Variants in MAMDC2 observed in about 807,000 individuals in gnomAD.
MAMDC2 encodes the protein MAM domain-containing protein 2.
In MAMDC2, 57 loss-of-function variants were observed where a neutral mutation model predicts 89.8. The ratio of observed to expected loss-of-function variants is 0.63; its 90% confidence interval spans 0.51 to 0.79. The LOEUF (loss-of-function observed/expected upper bound fraction) is 0.79. MAMDC2 is among the 30% of genes least tolerant of loss of function. The probability of loss-of-function intolerance (pLI) is 0.00; values close to 1 mark genes in which losing one functional copy is unlikely to be tolerated. For synonymous variants in MAMDC2, 313 were observed against 293.4 expected (o/e 1.07, Z -0.68); for missense variants, 800 against 820.6 (o/e 0.97, Z 0.31).
At chr9:70,054,607 G>A (rs1410412431) in intron 2 of MAMDC2, among the ~76,000 whole-genome samples, 1 of 151,728 alleles carries the variant, frequency 6.6e-6, no homozygotes, top group African/African-American at 2.4e-5. Context: ...TTTTGTTTTA[G>A]GAAGGGGGGA....
chr9:70,141,785 G>A (rs563061433), intron 8 of MAMDC2, among the ~76,000 whole-genome samples: 2 of 152,238 alleles, frequency 1.3e-5, no homozygotes, highest in South Asian at 4.2e-4. Context: ...TCCAGGGGCA[G>A]TAAATTGTGG....
At chr9:70,205,505 G>A (rs571740522) in intron 11 of MAMDC2, among the ~76,000 whole-genome samples, 9 of 152,184 alleles carry the variant, frequency 5.9e-5, no homozygotes, top group Non-Finnish European at 1.2e-4. Context: ...CTCCATGCAG[G>A]CCACTCAGGC....
intron 6 of MAMDC2, 88 bp downstream of exon 6, chr9:70,126,503 G>A: frequency 7.3e-7 from 1 of 1,363,576 alleles, no homozygotes; most frequent in East Asian, 2.4e-5. Context: ...AGGCTGTGCA[G>A]CCTCACACTC....
At chr9:70,140,047 C>A in intron 7 of MAMDC2, 98 bp from the exon 8 acceptor site, 1 of 1,284,898 alleles carries the variant, frequency 7.8e-7, no homozygotes, top group South Asian at 1.8e-5. Context: ...TTCGGTCTCC[C>A]CTGGTACAAA....
At chr9:70,051,522 T>C (rs1461522323) in intron 2 of MAMDC2, among the ~76,000 whole-genome samples, 1 of 152,220 alleles carries the variant, frequency 6.6e-6, no homozygotes, top group African/African-American at 2.4e-5. Context: ...GTAATATTCA[T>C]TTAAATATTT....
intron 11 of MAMDC2, among the ~76,000 whole-genome samples, chr9:70,188,160 A>G (rs1257999197): frequency 2.0e-5 from 3 of 152,148 alleles, no homozygotes; most frequent in East Asian, 1.9e-4. Flanking sequence ...CATGAATGGT[A>G]TATCATTTTC....
intron 2 of MAMDC2, chr9:70,079,456 A>T (rs112470208): frequency 1.6e-4 from 24 of 152,168 alleles, no homozygotes; most frequent in African/African-American, 5.6e-4. Context: ...GAGCACCATG[A>T]GTATAAACAG....
intron 5 of MAMDC2, among the ~76,000 whole-genome samples, chr9:70,125,326 T>C (rs1330550434): frequency 6.6e-6 from 1 of 152,202 alleles, no homozygotes; most frequent in Non-Finnish European, 1.5e-5. Flanking sequence ...GAGGAAAGTA[T>C]TTGATTGTCA....
intron 9 of MAMDC2, among the ~76,000 whole-genome samples, chr9:70,159,773 A>AT (rs2031900282): frequency 6.6e-6 from 1 of 152,222 alleles, no homozygotes; most frequent in African/African-American, 2.4e-5. Flanking sequence ...TGGTCTTTAC[A>AT]TTTTATTACA....
intron 11 of MAMDC2, among the ~76,000 whole-genome samples, chr9:70,198,873 A>G (rs2033034049): frequency 6.6e-6 from 1 of 152,190 alleles, no homozygotes; most frequent in African/African-American, 2.4e-5. Flanking sequence ...ATGAGACAAA[A>G]GAATATCACA....
chr9:70,135,245 C>A (rs983996914), intron 7 of MAMDC2, among the ~76,000 whole-genome samples: 5 of 152,156 alleles, frequency 3.3e-5, no homozygotes, highest in African/African-American at 1.2e-4. Context: ...AGGCTTCCAA[C>A]TGCCTCTGAT....
At chr9:70,115,505 A>C (rs1389207052) in intron 5 of MAMDC2, among the ~76,000 whole-genome samples, 1 of 152,022 alleles carries the variant, frequency 6.6e-6, no homozygotes, top group Non-Finnish European at 1.5e-5. Flanking sequence ...ACAGACACCC[A>C]CCACTTTGTC....
At chr9:70,159,402 A>G (rs777206634) in intron 9 of MAMDC2, among the ~76,000 whole-genome samples, 1 of 152,134 alleles carries the variant, frequency 6.6e-6, no homozygotes, top group Non-Finnish European at 1.5e-5. Flanking sequence ...AAGGGGTAAG[A>G]GTTATGTAAG....
chr9:70,093,422 G>GT (rs34543592), intron 2 of MAMDC2, among the ~76,000 whole-genome samples: 13,184 of 137,542 alleles, frequency 0.096, 986 homozygotes, highest in African/African-American at 0.21. Flanking sequence ...TACAGGGACA[G>GT]TTTTTTTTTT....
At chr9:70,208,350 C>A (rs1365432873) in intron 11 of MAMDC2, among the ~76,000 whole-genome samples, 1 of 152,130 alleles carries the variant, frequency 6.6e-6, no homozygotes, top group Non-Finnish European at 1.5e-5. Flanking sequence ...TCCTTCACAT[C>A]CCTTGTAAGT....
At chr9:70,122,352 A>T (rs751043810) in intron 5 of MAMDC2, among the ~76,000 whole-genome samples, 9 of 152,252 alleles carry the variant, frequency 5.9e-5, no homozygotes, top group Non-Finnish European at 1.0e-4. Flanking sequence ...CTAGTGAGGC[A>T]CTTTGGCTGC....
chr9:70,219,792 C>T (rs1372269088), intron 12 of MAMDC2, among the ~76,000 whole-genome samples: 1 of 152,134 alleles, frequency 6.6e-6, no homozygotes, highest in Admixed American at 6.5e-5. Flanking sequence ...GTGGATGGCT[C>T]AGGAACTTAC....
chr9:70,181,510 G>A (rs2032645532), intron 11 of MAMDC2, among the ~76,000 whole-genome samples: 1 of 151,958 alleles, frequency 6.6e-6, no homozygotes, highest in Non-Finnish European at 1.5e-5. Flanking sequence ...CCATTTGTTT[G>A]TGTCCTCTCT....
intron 4 of MAMDC2, among the ~76,000 whole-genome samples, chr9:70,112,033 T>G (rs1296870415): frequency 6.6e-6 from 1 of 152,158 alleles, no homozygotes; most frequent in Non-Finnish European, 1.5e-5. Flanking sequence ...TTCATTCTCC[T>G]TCCACCCTCC....
Sources: allele counts gnomAD v4.1 joint callset (sites outside exome capture counted in the v4.1 genomes callset), GRCh38; gene constraint gnomAD v4.1.1; transcripts MANE v1.5; gene names NCBI Gene and HGNC (gene_info 2026-07-23, HGNC 2026-07-21).